The following VPS13A variants were observed in gnomAD, a reference collection of about 807,000 sequenced individuals.
VPS13A encodes the protein vacuolar protein sorting 13 homolog A, also known as intermembrane lipid transfer protein VPS13A.
VPS13A carries 264 observed loss-of-function variants against 390.9 expected under a neutral mutation model. The ratio of observed to expected loss-of-function variants is 0.68; its 90% confidence interval spans 0.61 to 0.75. VPS13A has a LOEUF of 0.75. VPS13A is among the 30% of genes least tolerant of loss of function. The pLI is 0.00. For missense variants in VPS13A, 3,409 were observed against 3,733.9 expected (o/e 0.91, Z 2.27); for synonymous variants, 1,231 against 1,227.1 (o/e 1.00, Z -0.07).
chr9:77,205,345 C>A lies in VPS13A; in HGVS notation c.220C>A (p.Leu74Ile). The change falls in exon 4 of 72, where the codon CTT (leucine) becomes ATT (isoleucine). Residue 74 changes from leucine to isoleucine, a missense_variant. Physicochemically the swap from Leu to Ile is conservative, Grantham distance 5 (BLOSUM62 2). Coordinates refer to ENST00000360280, the MANE Select transcript of VPS13A (RefSeq NM_033305.3). ...NLKLIIPWKN[L>I]YTQPVEAVLE... ...TAAACTTATAATTCCATGGAAAAACCTTTATACTCAACCTGTTGAAGCCGT... is the reference window on the plus strand; with the variant it reads ...TAAACTTATAATTCCATGGAAAAACATTTATACTCAACCTGTTGAAGCCGT... 1 of 1,520,268 alleles carries A rather than the reference C, an allele frequency of 6.6e-7. No homozygotes were observed. The highest frequency in any genetic ancestry group is 8.9e-7 in the Non-Finnish European group (1 of 1,129,138). The allele number at this position is 1,520,268 out of a possible 1,614,324, so 94.2% of individuals were successfully genotyped here.
intron 58 of VPS13A, 64 bp downstream of exon 58, chr9:77,359,466 T>G: frequency 7.3e-7 from 1 of 1,363,180 alleles, no homozygotes; most frequent in Non-Finnish European, 1.0e-6. Flanking sequence ...ATGAATTGTT[T>G]GTACTCTTTA....
chr9:77,244,772 A>G (rs1024063009), intron 19 of VPS13A, among the ~76,000 whole-genome samples: 1 of 152,024 alleles, frequency 6.6e-6, no homozygotes, highest in Non-Finnish European at 1.5e-5. Context: ...GAGTGAGGAA[A>G]CAATTCTATA....
At chr9:77,316,944 C>T (rs188352211) in intron 39 of VPS13A, among the ~76,000 whole-genome samples, 253 of 150,362 alleles carry the variant, frequency 1.7e-3, no homozygotes, top group Non-Finnish European at 2.7e-3. Context: ...CATTCCTTTA[C>T]AGACATCTTT....
At position 77,340,668 on chromosome 9, in the gene VPS13A, T is replaced by G. The variant is rs926249797; in HGVS notation, c.7026+118T>G. On this transcript the variant is annotated intron_variant, in intron 50 of 71. Coordinates refer to ENST00000360280, the MANE Select transcript of VPS13A (RefSeq NM_033305.3). ...CCCCTTACTCCAATTTTGTTTTAGT[T>G]TCATGAATCTTTATTGAATATTTGT... 2.4e-6 allele frequency: 3 copies of G among 1,262,574 alleles called. No individual in the cohort carries two copies. The African/African-American group carries it at 4.5e-5, about 19-fold the overall frequency. The allele number at this position is 1,262,574 out of a possible 1,614,324, so 78.2% of individuals were successfully genotyped here.
intron 45 of VPS13A, among the ~76,000 whole-genome samples, chr9:77,327,653 A>AT (rs139014781): frequency 6.6e-5 from 10 of 151,182 alleles, no homozygotes; most frequent in South Asian, 2.1e-4. Flanking sequence ...TATTATTATT[A>AT]TATATTAATC....
chr9:77,210,544 A>G, intron 6 of VPS13A, 72 bp from the exon 7 acceptor site: 3 of 1,474,188 alleles, frequency 2.0e-6, no homozygotes, highest in Non-Finnish European at 2.8e-6. Context: ...GCACATTGAC[A>G]GTTTTTTCTA....
At chr9:77,211,291 T>C (rs1825960978) in intron 7 of VPS13A, 1 of 152,160 alleles carries the variant, frequency 6.6e-6, no homozygotes, top group Non-Finnish European at 1.5e-5. Flanking sequence ...GAGATAAGTA[T>C]CCTAAATTTT....
intron 34 of VPS13A, among the ~76,000 whole-genome samples, chr9:77,305,093 C>T (rs949038623): frequency 6.6e-6 from 1 of 152,046 alleles, no homozygotes; most frequent in Non-Finnish European, 1.5e-5. Flanking sequence ...CATCCGCCAC[C>T]GCGCCCGGCT....
intron 60 of VPS13A, among the ~76,000 whole-genome samples, chr9:77,366,519 A>G (rs1462269894): frequency 1.3e-5 from 2 of 152,124 alleles, no homozygotes; most frequent in East Asian, 3.8e-4. Flanking sequence ...ATATCATGCT[A>G]TCTTAAATTG....
chr9:77,340,003 G>A, intron 48 of VPS13A, 92 bp downstream of exon 48: 1 of 1,489,094 alleles, frequency 6.7e-7, no homozygotes, highest in African/African-American at 1.4e-5. Context: ...TATGAAACTT[G>A]GATAGAAATA....
intron 52 of VPS13A, chr9:77,350,983 A>C (rs1227861022): frequency 7.2e-6 from 2 of 276,120 alleles, no homozygotes; most frequent in Non-Finnish European, 1.4e-5. Flanking sequence ...AAGAGTTACC[A>C]ATTAAATTAT....
chr9:77,374,490 A>G (rs1305690614), intron 67 of VPS13A, among the ~76,000 whole-genome samples: 1 of 152,166 alleles, frequency 6.6e-6, no homozygotes, highest in East Asian at 1.9e-4. Flanking sequence ...TTCATATCCC[A>G]GGAAGGACAA....
At chr9:77,225,517 G>A (rs1929915) in intron 13 of VPS13A, among the ~76,000 whole-genome samples, 30,515 of 151,988 alleles carry the variant, frequency 0.2, 3,236 homozygotes, top group Middle Eastern at 0.24. Flanking sequence ...GAGTGTTGGG[G>A]TTACAGGCAT....
At chr9:77,315,057 T>C (rs113736013) in intron 37 of VPS13A, among the ~76,000 whole-genome samples, 196 bp from the exon 38 acceptor site, 40 of 152,324 alleles carry the variant, frequency 2.6e-4, no homozygotes, top group African/African-American at 7.7e-4. Flanking sequence ...ATACACTTCC[T>C]CATTTATGAT....
At chr9:77,272,920 AAAGT>A (rs550334187) in intron 23 of VPS13A, among the ~76,000 whole-genome samples, 121 of 152,338 alleles carry the variant, frequency 7.9e-4, no homozygotes, top group African/African-American at 2.7e-3. Flanking sequence ...ATCAAAAATA[AAAGT>A]AAGTTCCTCA....
chr9:77,221,179 A>G lies in VPS13A; in HGVS notation c.990-6A>G. 1 of 1,613,022 alleles carries G rather than the reference A, an allele frequency of 6.2e-7. No individual in the cohort carries two copies. The highest frequency in any genetic ancestry group is 2.2e-5 in the East Asian group (1 of 44,832). On this transcript the variant is annotated splice_polypyrimidine_tract_variant and splice_region_variant and intron_variant, in intron 12 of 71. Coordinates refer to ENST00000360280, the MANE Select transcript of VPS13A (RefSeq NM_033305.3). Reference sequence around the variant, plus strand: ...GGGTGTTAAATGTTTTTCTTTTTTTAACTAGGTGGGCTTATGCTATACATG... The same window carrying G: ...GGGTGTTAAATGTTTTTCTTTTTTTGACTAGGTGGGCTTATGCTATACATG...
chr9:77,382,414 G>T, intron 68 of VPS13A: 1 of 1,431,864 alleles, frequency 7.0e-7, no homozygotes, highest in Non-Finnish European at 9.1e-7. Context: ...TTTTGTATTG[G>T]TAACTTTTAA....
At chr9:77,297,687 A>T (rs1281272811) in intron 33 of VPS13A, among the ~76,000 whole-genome samples, 1 of 151,836 alleles carries the variant, frequency 6.6e-6, no homozygotes, top group Non-Finnish European at 1.5e-5. Flanking sequence ...CACCAAATCT[A>T]TCCCAGGCAT....
chr9:77,408,660 G>A (rs938985274), intron 71 of VPS13A, among the ~76,000 whole-genome samples: 2 of 152,216 alleles, frequency 1.3e-5, no homozygotes, highest in African/African-American at 4.8e-5. Flanking sequence ...TGCCTGGCTC[G>A]GAGGGTCCTA....
Sources: gnomAD v4.1 joint callset for allele counts (sites outside exome capture counted in the v4.1 genomes callset) on GRCh38, gnomAD v4.1.1 for gene constraint, MANE v1.5 for transcripts, NCBI Gene and HGNC (gene_info 2026-07-23, HGNC 2026-07-21) for gene names.